Variants in DIP2C observed in about 807,000 individuals in gnomAD.
DIP2C encodes the protein DIP2 acetate--CoA ligase C (putative), also known as disco-interacting protein 2 homolog C.
In DIP2C, 33 loss-of-function variants were observed where a neutral mutation model predicts 192.4. That is an observed-to-expected ratio of 0.17 (90% CI 0.13 to 0.23). DIP2C has a LOEUF of 0.23. DIP2C is among the 10% of genes least tolerant of loss of function. The probability of loss-of-function intolerance (pLI) is 1.00; values close to 1 mark genes in which losing one functional copy is unlikely to be tolerated. For synonymous variants in DIP2C, 979 were observed against 864.1 expected (o/e 1.13, Z -2.33); for missense variants, 1,537 against 2,110.1 (o/e 0.73, Z 5.32).
chr10:414,739 G>GTGTATATATATATA lies in DIP2C; in HGVS notation c.860-630_860-629insTATATATATATACA. Reference sequence around the variant, plus strand: ...TGTGTGTGTGTGTGTGTGTGTGTGTGTACATATATATATATATAATGTGTA... The same window carrying GTGTATATATATATA: ...TGTGTGTGTGTGTGTGTGTGTGTGTGTGTATATATATATATACATATATATATATATAATGTGTA... On this transcript the variant is annotated intron_variant, in intron 7 of 36. Coordinates refer to ENST00000280886, the MANE Select transcript of DIP2C (RefSeq NM_014974.3). Among the ~76,000 whole-genome samples, 251 of 90,502 alleles carry GTGTATATATATATA rather than the reference G, an allele frequency of 2.8e-3. 15 individuals carry two copies. Among genetic ancestry groups the GTGTATATATATATA allele is most frequent in the South Asian group, 8.0e-3 (20 of 2,502 alleles). 59.4% of individuals were successfully genotyped at this position (90,502 alleles called of 152,430 possible).
At chr10:522,305 C>T (rs950377438) in intron 1 of DIP2C, among the ~76,000 whole-genome samples, 4 of 152,170 alleles carry the variant, frequency 2.6e-5, no homozygotes, top group Non-Finnish European at 5.9e-5. Context: ...TCTGATGTAC[C>T]ACAGTTTATC....
chr10:582,941 G>A (rs1000756101), intron 1 of DIP2C, among the ~76,000 whole-genome samples: 2 of 152,200 alleles, frequency 1.3e-5, no homozygotes, highest in Non-Finnish European at 2.9e-5. Context: ...ATATTCAAGT[G>A]TTACCTCTTG....
chr10:399,776 G>GT (rs1249749324), intron 9 of DIP2C, among the ~76,000 whole-genome samples: 3 of 152,054 alleles, frequency 2.0e-5, no homozygotes, highest in African/African-American at 4.8e-5. Context: ...CACACATGGC[G>GT]TGAGTTCGTG....
chr10:378,556 CGT>C (rs1961928476), intron 17 of DIP2C, among the ~76,000 whole-genome samples: 1 of 151,700 alleles, frequency 6.6e-6, no homozygotes, highest in Non-Finnish European at 1.5e-5. Context: ...CATGCAGACA[CGT>C]GAACACAAAC....
chr10:311,320 A>G (rs2132328201), intron 31 of DIP2C, among the ~76,000 whole-genome samples: 1 of 152,382 alleles, frequency 6.6e-6, no homozygotes, highest in South Asian at 2.1e-4. Flanking sequence ...CCAAACTGGC[A>G]AATGAACCAC....
At chr10:326,253 G>C (rs1957268088) in intron 31 of DIP2C, among the ~76,000 whole-genome samples, 1 of 152,154 alleles carries the variant, frequency 6.6e-6, no homozygotes, top group Non-Finnish European at 1.5e-5. Flanking sequence ...GTGATCTCGG[G>C]AAGAGAGGAG....
chr10:490,901 C>G (rs565816461), intron 1 of DIP2C, among the ~76,000 whole-genome samples: 58 of 152,292 alleles, frequency 3.8e-4, no homozygotes, highest in Non-Finnish European at 7.5e-4. Context: ...AAGTCACCAG[C>G]AGAAGGTCGA....
intron 1 of DIP2C, among the ~76,000 whole-genome samples, chr10:527,526 AAG>A (rs891452164): frequency 1.3e-5 from 2 of 152,248 alleles, no homozygotes; most frequent in African/African-American, 4.8e-5. Flanking sequence ...AAGTAGCAGC[AAG>A]AGTTTGTTGA....
At chr10:512,747 C>G (rs150957278) in intron 1 of DIP2C, among the ~76,000 whole-genome samples, 2 of 151,880 alleles carry the variant, frequency 1.3e-5, no homozygotes, top group Admixed American at 1.3e-4. Context: ...AACCCCATCT[C>G]TAATAAAAAC....
intron 1 of DIP2C, among the ~76,000 whole-genome samples, chr10:548,825 C>T (rs1287237352): frequency 7.0e-6 from 1 of 143,524 alleles, no homozygotes; most frequent in Non-Finnish European, 1.5e-5. Flanking sequence ...TTATTTAGAA[C>T]CATTGTGTAT....
intron 1 of DIP2C, among the ~76,000 whole-genome samples, chr10:634,757 T>G (rs1175551843): frequency 1.6e-4 from 22 of 135,088 alleles, no homozygotes; most frequent in Admixed American, 8.0e-4. Flanking sequence ...ATCTCAAAAA[T>G]AAAAAAAAAA....
chr10:376,732 CTT>C (rs1961644708), intron 17 of DIP2C, among the ~76,000 whole-genome samples: 1 of 152,112 alleles, frequency 6.6e-6, no homozygotes, highest in Non-Finnish European at 1.5e-5. Context: ...CTGGGCCACT[CTT>C]TTTCACAGCA....
intron 3 of DIP2C, among the ~76,000 whole-genome samples, chr10:456,742 C>T (rs1282769756): frequency 2.0e-5 from 3 of 152,202 alleles, no homozygotes; most frequent in Non-Finnish European, 2.9e-5. Flanking sequence ...GTCTCCACTA[C>T]ATAGGGCCAT....
intron 7 of DIP2C, 54 bp downstream of exon 7, chr10:415,715 T>C: frequency 1.3e-6 from 2 of 1,592,686 alleles, no homozygotes; most frequent in Non-Finnish European, 1.7e-6. Flanking sequence ...AATATCATTG[T>C]TTACGGGACC....
chr10:501,826 CA>C (rs1418815756), intron 1 of DIP2C, among the ~76,000 whole-genome samples: 1 of 152,156 alleles, frequency 6.6e-6, no homozygotes, highest in Non-Finnish European at 1.5e-5. Context: ...GAACACAAAA[CA>C]TAAAACCTCT....
chr10:427,767 T>C (rs1966688004), intron 4 of DIP2C, among the ~76,000 whole-genome samples: 1 of 152,232 alleles, frequency 6.6e-6, no homozygotes, highest in African/African-American at 2.4e-5. Flanking sequence ...TACCAACTGC[T>C]TCTCATGATG....
chr10:389,566 G>A (rs544613189), intron 13 of DIP2C, among the ~76,000 whole-genome samples: 15 of 152,324 alleles, frequency 9.8e-5, no homozygotes, highest in African/African-American at 2.9e-4. Flanking sequence ...GCTCCACGGC[G>A]TTAACAGCGT....
At chr10:419,044 C>T (rs931814381) in intron 6 of DIP2C, 21 bp downstream of exon 6, 65 of 1,614,082 alleles carry the variant, frequency 4.0e-5, no homozygotes, top group Non-Finnish European at 5.3e-5. Flanking sequence ...GAAAAAAACG[C>T]ATCTCTCCTT....
chr10:278,144 C>T (rs912951247), intron 36 of DIP2C, among the ~76,000 whole-genome samples: 8 of 151,742 alleles, frequency 5.3e-5, no homozygotes, highest in Non-Finnish European at 1.2e-4. Flanking sequence ...TGTCTGTGCG[C>T]CCGAGTCCAG....
Sources: gnomAD v4.1 joint callset for allele counts (sites outside exome capture counted in the v4.1 genomes callset) on GRCh38, gnomAD v4.1.1 for gene constraint, MANE v1.5 for transcripts, NCBI Gene and HGNC (gene_info 2026-07-23, HGNC 2026-07-21) for gene names.